CLIC6: variants seen among roughly 807,000 people sequenced by gnomAD.
CLIC6 encodes the protein CLIC family member 6.
CLIC6 carries 39 observed loss-of-function variants against 49.2 expected under a neutral mutation model. The observed-to-expected ratio is 0.79, with a 90% CI of 0.61 to 1.04. The LOEUF (loss-of-function observed/expected upper bound fraction) is 1.04. CLIC6 is among the 50% of genes least tolerant of loss of function. CLIC6 has a pLI of 0.00. For missense variants in CLIC6, 988 were observed against 993.1 expected, an observed-to-expected ratio of 0.99 and a Z score of 0.07; for synonymous variants, 446 against 433.4, an observed-to-expected ratio of 1.03 and a Z score of -0.36.
chr21:34,670,489 G>C lies in CLIC6; in HGVS notation c.1101G>C (p.Pro367=). 1 of 1,493,198 alleles carries C rather than the reference G, an allele frequency of 6.7e-7. No homozygotes were observed. Among genetic ancestry groups the C allele is most frequent in the Non-Finnish European group, 8.9e-7 (1 of 1,121,458 alleles). 92.5% of individuals were successfully genotyped at this position (1,493,198 alleles called of 1,614,324 possible). A position where few individuals can be genotyped will look rare whatever the true frequency, so the allele number is the denominator to read the frequency against. ...DRVGDGPQQE[P]GEDEERRERS... The stretch of plus-strand genomic sequence containing the variant: ...TAGGGGATGGGCCACAGCAGGAGCC[G>C]GGGGAGGACGAAGAGAGACGAGAGC... The change falls in exon 1 of 6, where the codon CCG becomes CCC. Residue 367 remains proline, a synonymous_variant. Transcript: ENST00000349499.
rs1989632991 is a variant in CLIC6, at chr21:34,674,871, A to G, written c.1374+4109A>G. 2.0e-5 allele frequency among the ~76,000 whole-genome samples: 3 copies of G among 152,204 alleles called. No homozygotes were observed. The South Asian group carries it at 6.2e-4, about 32-fold the overall frequency. On this transcript the variant is annotated intron_variant, in intron 1 of 5. Transcript: ENST00000349499. ...CAGCAGAGAGTTAAGTAAGAACTTCATTTAAGTAAGGAGTTCAGCGGTAGT... is the reference window on the plus strand; with the variant it reads ...CAGCAGAGAGTTAAGTAAGAACTTCGTTTAAGTAAGGAGTTCAGCGGTAGT...
rs16992176 is a variant in CLIC6 at position 34,708,547 on chromosome 21, A to G, written c.1611-153A>G. On this transcript the variant is annotated intron_variant, in intron 3 of 5. Coordinates refer to ENST00000349499, the MANE Select transcript of CLIC6 (RefSeq NM_053277.3). Reference sequence around the variant, plus strand: ...CAGTGCCATTCTCCTAGATGTTGTTACTTCCCAACCTTTGAGAGGAAAAGG... The same window carrying G: ...CAGTGCCATTCTCCTAGATGTTGTTGCTTCCCAACCTTTGAGAGGAAAAGG... Among the ~76,000 whole-genome samples the G allele has an allele frequency of 9.8e-3, 1,495 of 152,292 alleles. 23 individuals are homozygous for G. The highest frequency in any genetic ancestry group is 0.034 in the African/African-American group (1,410 of 41,524).
chr21:34,707,363 T>C lies in CLIC6; in HGVS notation c.1458T>C (p.Phe486=), dbSNP rs1315652035. The C allele has an allele frequency of 6.2e-7, 1 of 1,613,386 alleles. No homozygotes were observed. Among genetic ancestry groups the C allele is most frequent in the Non-Finnish European group, 8.5e-7 (1 of 1,179,620 alleles). Residue 486 remains phenylalanine (F), a synonymous_variant, in exon 2 of 6, where the codon TTT becomes TTC. Coordinates refer to ENST00000349499, the MANE Select transcript of CLIC6 (RefSeq NM_053277.3). The part of the protein sequence containing the change: ...FMILWLKGVI[F]NVTTVDLKRK... The stretch of plus-strand genomic sequence containing the variant: ...TTCTCTGGCTGAAAGGCGTTATATT[T>C]AATGTGACCACAGTGGACCTGAAAA...
At chr21:34,707,141 G>A in intron 1 of CLIC6, 139 bp from the exon 2 acceptor site, 1 of 695,278 alleles carries the variant, frequency 1.4e-6, no homozygotes. Flanking sequence ...ATTGAGGCTG[G>A]TAAAATGGCC....
intron 5 of CLIC6, among the ~76,000 whole-genome samples, 192 bp downstream of exon 5, chr21:34,709,730 G>T (rs2056043058): frequency 6.6e-6 from 1 of 152,224 alleles, no homozygotes; most frequent in Non-Finnish European, 1.5e-5. Context: ...GGTGTTCTCA[G>T]AAAGTGCCTG....
intron 1 of CLIC6, among the ~76,000 whole-genome samples, chr21:34,682,374 T>C (rs1483014493): frequency 6.6e-6 from 1 of 152,230 alleles, no homozygotes; most frequent in Middle Eastern, 3.2e-3. Context: ...TGTCATGTAA[T>C]TTGCATTTCT....
chr21:34,676,766 C>T (rs1260056661), intron 1 of CLIC6, among the ~76,000 whole-genome samples: 1 of 152,150 alleles, frequency 6.6e-6, no homozygotes, highest in Non-Finnish European at 1.5e-5. Context: ...TAGTGGGATC[C>T]TCTGATAATG....
chr21:34,680,092 G>T (rs1489083170), intron 1 of CLIC6, among the ~76,000 whole-genome samples: 1 of 152,230 alleles, frequency 6.6e-6, no homozygotes, highest in East Asian at 1.9e-4. Flanking sequence ...TCTCCATGAG[G>T]GCTCTGCCCC....
At chr21:34,679,512 G>T (rs572026671) in intron 1 of CLIC6, among the ~76,000 whole-genome samples, 1 of 152,214 alleles carries the variant, frequency 6.6e-6, no homozygotes, top group South Asian at 2.1e-4. Context: ...CCCTCCAACA[G>T]TCTCCCCAAA....
chr21:34,707,293 G>A lies in CLIC6; in HGVS notation c.1388G>A (p.Gly463Asp). 6.2e-7 allele frequency: 1 copy of A among 1,613,688 alleles called. No homozygotes were observed. The change falls in exon 2 of 6, where the codon GGT becomes GAT. Residue 463 changes from glycine (G) to aspartate (D), a missense_variant. Around this residue, in one of 3 missense-constraint regions of CLIC6, gnomAD observed 647 missense variants for 596.9 expected, o/e 1.08. Transcript: ENST00000349499. ...ITLFVKAGYD[G>D]ESIGNCPFSQ... ...CTCCACTTGTAGGCTGGTTATGATG[G>A]TGAGAGTATCGGAAATTGCCCGTTT... is the stretch of plus-strand genomic sequence containing the variant.
At chr21:34,693,170 G>A (rs900722856) in intron 1 of CLIC6, among the ~76,000 whole-genome samples, 5 of 152,102 alleles carry the variant, frequency 3.3e-5, no homozygotes, top group African/African-American at 9.7e-5. Context: ...GCCTTCTTCC[G>A]GTGATTCTTT....
rs1328663541 is a variant in CLIC6 at position 34,669,617 on chromosome 21, AG to A, written c.235del (p.Ala79ArgfsTer82). On this transcript the variant is annotated frameshift_variant, in exon 1 of 6. Transcript: ENST00000349499. LOFTEE classifies it high-confidence loss of function. Reference sequence around the variant, plus strand: ...CCCGGAGGCCGAGGCGCGGGGCACGAGGGGGGCGCACGGCGAGACTGAGGCC... The same window carrying A: ...CCCGGAGGCCGAGGCGCGGGGCACGAGGGGGCGCACGGCGAGACTGAGGCC... ...RGPEAEARGT[R>X]GAHGETEAEE... 2 of 1,271,706 alleles carry A rather than the reference AG, an allele frequency of 1.6e-6. No homozygotes were observed. The highest frequency in any genetic ancestry group is 2.0e-6 in the Non-Finnish European group (2 of 1,011,642). 78.8% of individuals were successfully genotyped at this position (1,271,706 alleles called of 1,614,324 possible).
chr21:34,692,003 A>C (rs1003030033), intron 1 of CLIC6, among the ~76,000 whole-genome samples: 1 of 152,188 alleles, frequency 6.6e-6, no homozygotes, highest in Non-Finnish European at 1.5e-5. Flanking sequence ...TAACATTTGA[A>C]TACTAGGATA....
At chr21:34,673,549 C>G (rs1227392526) in intron 1 of CLIC6, among the ~76,000 whole-genome samples, 1 of 152,178 alleles carries the variant, frequency 6.6e-6, no homozygotes, top group Non-Finnish European at 1.5e-5. Flanking sequence ...CCGTGGCCTC[C>G]CAAAGTGCTG....
At chr21:34,705,026 TAAG>T (rs879465352) in intron 1 of CLIC6, among the ~76,000 whole-genome samples, 1 of 152,094 alleles carries the variant, frequency 6.6e-6, no homozygotes, top group Non-Finnish European at 1.5e-5. Flanking sequence ...CAGTGAGTTA[TAAG>T]AGGGTTCCAA....
At chr21:34,681,234 G>A (rs1989774712) in intron 1 of CLIC6, among the ~76,000 whole-genome samples, 1 of 152,228 alleles carries the variant, frequency 6.6e-6, no homozygotes, top group Non-Finnish European at 1.5e-5. Flanking sequence ...AGTGAAGGCG[G>A]AAGCCATTTA....
intron 1 of CLIC6, among the ~76,000 whole-genome samples, chr21:34,689,254 A>T (rs765906505): frequency 2.5e-4 from 38 of 152,058 alleles, no homozygotes; most frequent in Admixed American, 4.6e-4. Flanking sequence ...GGTTTTCCAC[A>T]CCTCCAGCAG....
Position 34,669,601 on chromosome 21 carries a change from C to T in CLIC6, c.213C>T (p.Ala71=), listed in dbSNP as rs775578468. Reference sequence around the variant, plus strand: ...GCGGGCCAGACAGGGGCCCGGAGGCCGAGGCGCGGGGCACGAGGGGGGCGC... The same window carrying T: ...GCGGGCCAGACAGGGGCCCGGAGGCTGAGGCGCGGGGCACGAGGGGGGCGC... ...GGGGPDRGPE[A]EARGTRGAHG... is the part of the protein sequence containing the mutation. Residue 71 remains alanine (A), a synonymous_variant, in exon 1 of 6, where the codon GCC becomes GCT. Transcript: ENST00000349499. 28 of 1,269,022 alleles carry T rather than the reference C, an allele frequency of 2.2e-5. No homozygotes were observed. The highest frequency in any genetic ancestry group is 4.2e-5 in the Admixed American group (1 of 23,808). 78.6% of individuals were successfully genotyped at this position (1,269,022 alleles called of 1,614,324 possible).
intron 1 of CLIC6, among the ~76,000 whole-genome samples, chr21:34,681,449 A>G (rs990255568): frequency 3.9e-5 from 6 of 152,246 alleles, no homozygotes; most frequent in Non-Finnish European, 8.8e-5. Context: ...TGAGGATGTC[A>G]GTCAGAGCTG....
Sources: gnomAD v4.1 joint callset for allele counts (sites outside exome capture counted in the v4.1 genomes callset) on GRCh38, gnomAD v4.1.1 for gene constraint, gnomAD v4.1.1 regional missense constraint, MANE v1.5 for transcripts, NCBI Gene and HGNC (gene_info 2026-07-23, HGNC 2026-07-21) for gene names.